CALN1: variants seen among roughly 807,000 people sequenced by gnomAD.
CALN1 encodes the protein calneuron 1.
In CALN1, 17 loss-of-function variants were observed where a neutral mutation model predicts 30.6. That is an observed-to-expected ratio of 0.56 (90% confidence interval 0.38 to 0.83). The LOEUF is 0.83. Ranked by LOEUF, CALN1 falls within the 40% of genes least tolerant of loss-of-function variation. CALN1 has a pLI of 0.00. For missense variants in CALN1, 291 were observed against 354.9 expected (o/e 0.82, Z 1.45); for synonymous variants, 156 against 131.4 (o/e 1.19, Z -1.28).
intron 4 of CALN1, among the ~76,000 whole-genome samples, chr7:72,061,997 T>C (rs1185547663): frequency 1.3e-5 from 2 of 152,082 alleles, no homozygotes; most frequent in Non-Finnish European, 2.9e-5. Context: ...CCAATGACTA[T>C]AGATTTCTCA....
Position 72,259,464 on chromosome 7 carries a change from A to ACCTCACT in CALN1, c.244+19215_244+19221dup, listed in dbSNP as rs1330169987. 8.5e-5 allele frequency among the ~76,000 whole-genome samples: 13 copies of ACCTCACT among 152,062 alleles called. No individual in the cohort carries two copies. In the South Asian group the frequency reaches 2.7e-3, roughly 32 times the overall value. On this transcript the variant is annotated intron_variant, in intron 3 of 6. Coordinates refer to ENST00000395275, the MANE Select transcript of CALN1 (RefSeq NM_031468.4). ...TCATTACCTAGTTAAGCGGCCACAC[A>ACCTCACT]CCTCACTCCTCACCCCCACATCCAT...
At chr7:71,991,494 G>A (rs150155008) in intron 5 of CALN1, among the ~76,000 whole-genome samples, 78 of 151,600 alleles carry the variant, frequency 5.1e-4, no homozygotes, top group African/African-American at 1.8e-3. Flanking sequence ...AAACTGCACT[G>A]GATGGAAGGC....
At chr7:72,368,043 CCCGGGAGGCAGAG>C (rs1803979465) in intron 2 of CALN1, among the ~76,000 whole-genome samples, 1 of 151,964 alleles carries the variant, frequency 6.6e-6, no homozygotes, top group Admixed American at 6.6e-5. Flanking sequence ...ATGGCATGAA[CCCGGGAGGCAGAG>C]CTTGCAGTGA....
At chr7:72,319,617 G>A (rs974843642) in intron 2 of CALN1, among the ~76,000 whole-genome samples, 3 of 152,190 alleles carry the variant, frequency 2.0e-5, no homozygotes, top group African/African-American at 7.2e-5. Flanking sequence ...AGATGGAACA[G>A]GAGGCCATTA....
intron 2 of CALN1, among the ~76,000 whole-genome samples, chr7:72,309,990 G>C (rs958397708): frequency 6.6e-5 from 10 of 151,988 alleles, no homozygotes; most frequent in Non-Finnish European, 1.3e-4. Flanking sequence ...TGTTCACATC[G>C]GTCCGCCAGC....
intron 2 of CALN1, among the ~76,000 whole-genome samples, chr7:72,321,560 C>T (rs148969181): frequency 9.8e-5 from 15 of 152,292 alleles, no homozygotes; most frequent in African/African-American, 3.6e-4. Flanking sequence ...ATCAGCGTCC[C>T]ACCTGGAAAC....
chr7:72,203,979 C>CTATTTTTTTTTTTTTTTTTT (rs59798860), intron 3 of CALN1, among the ~76,000 whole-genome samples: 1 of 83,778 alleles, frequency 1.2e-5, no homozygotes, highest in Non-Finnish European at 2.1e-5. Flanking sequence ...AGGCCTCTCT[C>CTATTTTTTTTTTTTTTTTTT]TTTTTTTTTT....
At chr7:72,198,911 C>T (rs921880438) in intron 3 of CALN1, among the ~76,000 whole-genome samples, 11 of 152,312 alleles carry the variant, frequency 7.2e-5, no homozygotes, top group African/African-American at 2.6e-4. Context: ...GTACTTACCT[C>T]TGTGCTCTCA....
chr7:72,402,493 T>C (rs1002232294), intron 2 of CALN1, among the ~76,000 whole-genome samples: 3 of 152,190 alleles, frequency 2.0e-5, no homozygotes, highest in East Asian at 1.9e-4. Context: ...TTTCAGGATG[T>C]ACCCATTTAT....
At chr7:72,368,159 A>G (rs373007734) in intron 2 of CALN1, among the ~76,000 whole-genome samples, 26 of 151,206 alleles carry the variant, frequency 1.7e-4, no homozygotes, top group Non-Finnish European at 2.5e-4. Context: ...ATGTGTGTGT[A>G]TATATATATG....
At chr7:72,260,466 G>A (rs1284156296) in intron 3 of CALN1, among the ~76,000 whole-genome samples, 1 of 152,204 alleles carries the variant, frequency 6.6e-6, no homozygotes, top group Non-Finnish European at 1.5e-5. Context: ...TGGGCTGCTA[G>A]GCTGATCAAC....
intron 5 of CALN1, among the ~76,000 whole-genome samples, chr7:71,871,187 CTTTA>C (rs915183233): frequency 2.6e-5 from 4 of 152,096 alleles, no homozygotes; most frequent in Non-Finnish European, 5.9e-5. Context: ...TTAAATACAG[CTTTA>C]TTTATTCATT....
intron 1 of CALN1, among the ~76,000 whole-genome samples, chr7:72,428,348 G>A (rs1172612802): frequency 3.9e-5 from 6 of 151,974 alleles, no homozygotes; most frequent in Non-Finnish European, 8.8e-5. Flanking sequence ...ATTTTTGGAA[G>A]TGAGAAAGGC....
At chr7:72,267,827 C>G (rs1439967783) in intron 3 of CALN1, among the ~76,000 whole-genome samples, 1 of 152,056 alleles carries the variant, frequency 6.6e-6, no homozygotes, top group Non-Finnish European at 1.5e-5. Flanking sequence ...GGCAACACAG[C>G]AAGACCTCGT....
intron 5 of CALN1, among the ~76,000 whole-genome samples, chr7:72,008,900 C>CCCGCCT (rs1033230900): frequency 1.4e-4 from 22 of 152,148 alleles, no homozygotes; most frequent in Admixed American, 8.5e-4. Context: ...AGGTGATCCA[C>CCCGCCT]CCGCCTCCGC....
chr7:72,402,582 A>G (rs1326743959), intron 2 of CALN1, among the ~76,000 whole-genome samples: 1 of 152,162 alleles, frequency 6.6e-6, no homozygotes, highest in Non-Finnish European at 1.5e-5. Flanking sequence ...CCACACCCAG[A>G]GTTGAAATTC....
At chr7:71,937,199 T>C (rs181718837) in intron 5 of CALN1, among the ~76,000 whole-genome samples, 274 of 149,808 alleles carry the variant, frequency 1.8e-3, no homozygotes, top group African/African-American at 6.4e-3. Flanking sequence ...CCCAGCTCCT[T>C]GGGAGGCTGC....
At chr7:72,341,843 A>C (rs1187346869) in intron 2 of CALN1, among the ~76,000 whole-genome samples, 1 of 152,212 alleles carries the variant, frequency 6.6e-6, no homozygotes, top group East Asian at 1.9e-4. Flanking sequence ...CTTTCAATAA[A>C]TGTTGGCTGT....
chr7:72,410,935 C>A (rs948269667), intron 1 of CALN1, among the ~76,000 whole-genome samples: 1 of 151,424 alleles, frequency 6.6e-6, no homozygotes, highest in African/African-American at 2.4e-5. Context: ...CAATTAGAGG[C>A]ATAAGATGGG....
Sources: allele counts gnomAD v4.1 joint callset (sites outside exome capture counted in the v4.1 genomes callset), GRCh38; gene constraint gnomAD v4.1.1; transcripts MANE v1.5; gene names NCBI Gene and HGNC (gene_info 2026-07-23, HGNC 2026-07-21).